ADD3: variants seen among roughly 807,000 people sequenced by gnomAD.
ADD3 encodes gamma-adducin.
Under a neutral mutation model 80.2 loss-of-function variants are expected in ADD3, and 25 were observed. The observed-to-expected ratio is 0.31, with a 90% CI of 0.23 to 0.44. ADD3 has a LOEUF of 0.44. Ranked by LOEUF, ADD3 falls within the 20% of genes least tolerant of loss-of-function variation. The probability of loss-of-function intolerance (pLI) is 1.00; values close to 1 mark genes in which losing one functional copy is unlikely to be tolerated. For missense variants in ADD3, 829 were observed against 847.5 expected, an observed-to-expected ratio of 0.98 and a Z score of 0.27; for synonymous variants, 284 against 289.6, an observed-to-expected ratio of 0.98 and a Z score of 0.20.
chr10:110,102,274 G>C (rs1026216137), intron 2 of ADD3, among the ~76,000 whole-genome samples: 21 of 151,996 alleles, frequency 1.4e-4, no homozygotes, highest in African/African-American at 5.1e-4. Flanking sequence ...ATCAAAAATA[G>C]ATATGTTTCC....
chr10:110,004,366 C>G (rs1393372783), upstream of ADD3, among the ~76,000 whole-genome samples: 1 of 151,830 alleles, frequency 6.6e-6, no homozygotes, highest in Non-Finnish European at 1.5e-5. Context: ...AACCCTGTCT[C>G]TACTAAAAAT....
intron 1 of ADD3, among the ~76,000 whole-genome samples, chr10:110,065,846 A>C (rs1843887724): frequency 6.6e-6 from 1 of 151,040 alleles, no homozygotes; most frequent in African/African-American, 2.4e-5. Flanking sequence ...GACCTCTTTT[A>C]GCCTCTCTTC....
intron 2 of ADD3, among the ~76,000 whole-genome samples, chr10:110,106,325 T>C (rs537760059): frequency 2.0e-5 from 3 of 151,990 alleles, no homozygotes; most frequent in South Asian, 4.2e-4. Flanking sequence ...TAAGCATTAA[T>C]TGAAATAATT....
intron 1 of ADD3, among the ~76,000 whole-genome samples, chr10:110,082,623 T>G (rs868798756): frequency 9.2e-5 from 14 of 152,352 alleles, no homozygotes; most frequent in Middle Eastern, 3.4e-3. Flanking sequence ...TTCTAACACC[T>G]GAATTAGCAT....
At chr10:110,030,557 A>T (rs1216115483) in intron 1 of ADD3, among the ~76,000 whole-genome samples, 8 of 151,304 alleles carry the variant, frequency 5.3e-5, no homozygotes, top group Admixed American at 5.3e-4. Flanking sequence ...AACCTGTGAA[A>T]TGGGTATTAG....
At chr10:110,007,809 T>TCTTGAGGAGGCGGGGC (rs1851787902), upstream of ADD3, among the ~76,000 whole-genome samples, 1 of 138,910 alleles carries the variant, frequency 7.2e-6, no homozygotes. Context: ...AGAGGCGAGG[T>TCTTGAGGAGGCGGGGC]CTTGAGGAGG....
At chr10:110,081,444 A>AAT (rs992248155) in intron 1 of ADD3, among the ~76,000 whole-genome samples, 7 of 152,120 alleles carry the variant, frequency 4.6e-5, no homozygotes, top group South Asian at 2.1e-4. Context: ...CTTGGCAAAA[A>AAT]ATATATATAT....
At chr10:109,999,839 A>C (rs1171877618) in intron 1 of ADD3, among the ~76,000 whole-genome samples, 1 of 151,938 alleles carries the variant, frequency 6.6e-6, no homozygotes, top group Non-Finnish European at 1.5e-5. Context: ...ATATGAAATA[A>C]TTCTGCAATC....
At chr10:110,121,105 C>A (rs1231118471) in intron 8 of ADD3, among the ~76,000 whole-genome samples, 1 of 152,002 alleles carries the variant, frequency 6.6e-6, no homozygotes, top group Admixed American at 6.6e-5. Flanking sequence ...GACTTCATGT[C>A]CAAAACACCA....
chr10:110,064,824 A>AT (rs904824269), intron 1 of ADD3, among the ~76,000 whole-genome samples: 1 of 152,084 alleles, frequency 6.6e-6, no homozygotes, highest in Non-Finnish European at 1.5e-5. Flanking sequence ...TGTTATTGCT[A>AT]TTTTTTTATA....
intron 10 of ADD3, among the ~76,000 whole-genome samples, chr10:110,125,071 A>C (rs1203910629): frequency 6.6e-6 from 1 of 152,144 alleles, no homozygotes; most frequent in African/African-American, 2.4e-5. Context: ...TCTTATATAA[A>C]CTAATGGCAT....
At chr10:110,050,032 A>G (rs1010932536) in intron 1 of ADD3, among the ~76,000 whole-genome samples, 1 of 152,140 alleles carries the variant, frequency 6.6e-6, no homozygotes, top group African/African-American at 2.4e-5. Flanking sequence ...CCAGGATGTA[A>G]CTAACTTGAT....
intron 10 of ADD3, 46 bp downstream of exon 10, chr10:110,124,320 T>C (rs1851872888): frequency 2.5e-6 from 4 of 1,588,878 alleles, no homozygotes; most frequent in Non-Finnish European, 3.4e-6. Flanking sequence ...ATATTTTGCC[T>C]AGTTACTCAA....
chr10:110,085,322 T>C (rs565524191), intron 1 of ADD3, among the ~76,000 whole-genome samples: 11 of 152,292 alleles, frequency 7.2e-5, no homozygotes, highest in African/African-American at 2.6e-4. Flanking sequence ...TTTTCTAAAG[T>C]TCATAATTAT....
At chr10:109,998,398 C>T (rs1851420503) in intron 1 of ADD3, among the ~76,000 whole-genome samples, 1 of 152,304 alleles carries the variant, frequency 6.6e-6, no homozygotes, top group South Asian at 2.1e-4. Context: ...CTTCTCTTCT[C>T]CACAGCTACC....
chr10:110,043,549 G>A (rs1856599311), intron 1 of ADD3, among the ~76,000 whole-genome samples: 1 of 152,144 alleles, frequency 6.6e-6, no homozygotes, highest in African/African-American at 2.4e-5. Context: ...GTATTTCTTA[G>A]GGAGAGGGAT....
chr10:110,102,226 A>T (rs1198633078), intron 2 of ADD3, among the ~76,000 whole-genome samples: 4 of 152,176 alleles, frequency 2.6e-5, no homozygotes, highest in African/African-American at 9.7e-5. Flanking sequence ...TTGAGTGTCT[A>T]GGTTTATAAA....
chr10:110,127,871 G>C (rs563353962), intron 12 of ADD3, among the ~76,000 whole-genome samples: 19 of 152,082 alleles, frequency 1.2e-4, no homozygotes, highest in Non-Finnish European at 2.2e-4. Flanking sequence ...AGCTTTCCGA[G>C]AAAAGGATAC....
chr10:110,010,455 C>T (rs951313419), intron 1 of ADD3, among the ~76,000 whole-genome samples: 4 of 152,146 alleles, frequency 2.6e-5, no homozygotes, highest in African/African-American at 9.7e-5. Context: ...ACAGTCACAT[C>T]AGAACTTTAG....
Sources: allele counts gnomAD v4.1 joint callset (sites outside exome capture counted in the v4.1 genomes callset), GRCh38; gene constraint gnomAD v4.1.1; transcripts MANE v1.5; gene names NCBI Gene and HGNC (gene_info 2026-07-23, HGNC 2026-07-21).